TF: variants seen among roughly 807,000 people sequenced by gnomAD.
TF encodes the protein serotransferrin.
A neutral mutation model predicts 82.4 loss-of-function variants in TF; 55 were observed. The ratio of observed to expected loss-of-function variants is 0.67; its 90% CI spans 0.54 to 0.84. The LOEUF (loss-of-function observed/expected upper bound fraction) is 0.84. Ranked by LOEUF, TF falls within the 40% of genes least tolerant of loss-of-function variation. The pLI is 0.00. For synonymous variants in TF, 332 were observed against 332.6 expected, an observed-to-expected ratio of 1.00 and a Z score of 0.02; for missense variants, 737 against 868.4, an observed-to-expected ratio of 0.85 and a Z score of 1.90.
In TF at chr3:133,791,036, A is replaced by T. The variant is rs1335286191; in HGVS notation, c.*12416A>T. On this transcript the variant is annotated 3_prime_UTR_variant, in exon 17 of 17. Coordinates refer to ENST00000402696, the MANE Select transcript of TF (RefSeq NM_001063.4). ...CCTCTGGCTTTGCTTGTGTATGCACATATAAAATCATATATATTTTTTTTA... is the reference window on the plus strand; with the variant it reads ...CCTCTGGCTTTGCTTGTGTATGCACTTATAAAATCATATATATTTTTTTTA... 1 of 152,172 alleles carries T rather than the reference A, an allele frequency of 6.6e-6. No homozygotes were observed. The highest frequency in any genetic ancestry group is 2.4e-5 in the African/African-American group (1 of 41,418). 9.4% of individuals were successfully genotyped at this position (152,172 alleles called of 1,614,324 possible). A position where few individuals can be genotyped will look rare whatever the true frequency, so the allele number is the denominator to read the frequency against.
the TF span, among the ~76,000 whole-genome samples, chr3:133,684,393 C>A: frequency 6.6e-6 from 1 of 151,858 alleles, no homozygotes; most frequent in Non-Finnish European, 1.5e-5. Context: ...AAAAACCCTT[C>A]AAAAAATCAA....
At chr3:133,677,933 C>T in the TF span, among the ~76,000 whole-genome samples, 1 of 152,106 alleles carries the variant, frequency 6.6e-6, no homozygotes, top group Non-Finnish European at 1.5e-5. Flanking sequence ...CATAGGTATA[C>T]ACATGCCATG....
rs537142089 is a variant in TF at position 133,788,179 on chromosome 3, A to T, written c.*9559A>T. 3.3e-5 allele frequency: 5 copies of T among 152,304 alleles called. No individual in the cohort carries two copies. The highest frequency in any genetic ancestry group is 7.3e-5 in the Non-Finnish European group (5 of 68,090). 9.4% of individuals were successfully genotyped at this position (152,304 alleles called of 1,614,324 possible). A position where few individuals can be genotyped will look rare whatever the true frequency, so the allele number is the denominator to read the frequency against. The stretch of plus-strand genomic sequence containing the variant: ...TAAATGAAATGGAAACACATCAGCT[A>T]TGACAGGACATATACTCTCCAACAG... On this transcript the variant is annotated 3_prime_UTR_variant, in exon 17 of 17. Coordinates refer to ENST00000402696, the MANE Select transcript of TF (RefSeq NM_001063.4).
At chr3:133,768,205 G>A in intron 13 of TF, 41 bp downstream of exon 13, 1 of 1,612,450 alleles carries the variant, frequency 6.2e-7, no homozygotes, top group African/African-American at 1.3e-5. Flanking sequence ...TAATATACAA[G>A]CCCTGGCCAG....
chr3:133,682,910 T>C, the TF span, among the ~76,000 whole-genome samples: 2 of 151,872 alleles, frequency 1.3e-5, no homozygotes, highest in Non-Finnish European at 2.9e-5. Context: ...AATTGTCAGA[T>C]TCAAGTTGAA....
chr3:133,728,533 G>C, the TF span, among the ~76,000 whole-genome samples: 1 of 152,074 alleles, frequency 6.6e-6, no homozygotes, highest in African/African-American at 2.4e-5. Flanking sequence ...CTCTGTATTG[G>C]TTATTCTAGT....
At chr3:133,730,233 CAT>C in the TF span, among the ~76,000 whole-genome samples, 3 of 152,186 alleles carry the variant, frequency 2.0e-5, no homozygotes, top group Non-Finnish European at 4.4e-5. Context: ...GCCCCTGGCT[CAT>C]GAGCTTCCTA....
chr3:133,693,853 C>T, the TF span, among the ~76,000 whole-genome samples: 16 of 152,218 alleles, frequency 1.1e-4, no homozygotes, highest in Non-Finnish European at 1.8e-4. Context: ...TTCCAGCCTC[C>T]GTGTGGGTGA....
the TF span, among the ~76,000 whole-genome samples, chr3:133,733,391 T>C: frequency 6.6e-6 from 1 of 152,192 alleles, no homozygotes; most frequent in Non-Finnish European, 1.5e-5. Flanking sequence ...TTGCCAAGCC[T>C]GCCGAGGTGT....
At chr3:133,750,806 A>C (rs1407496904) in intron 2 of TF, among the ~76,000 whole-genome samples, 2 of 152,000 alleles carry the variant, frequency 1.3e-5, no homozygotes, top group Non-Finnish European at 2.9e-5. Context: ...TTATACTTTA[A>C]GTTCTAGGGT....
chr3:133,666,204 G>T, the TF span, among the ~76,000 whole-genome samples: 1 of 151,970 alleles, frequency 6.6e-6, no homozygotes. Context: ...ATGGAGTCTC[G>T]CTCTGTCGCC....
chr3:133,713,149 G>T, the TF span, among the ~76,000 whole-genome samples: 15 of 152,140 alleles, frequency 9.9e-5, no homozygotes, highest in African/African-American at 3.6e-4. Flanking sequence ...TCACAGGGGG[G>T]ACACCAGACA....
Position 133,775,566 on chromosome 3 carries a change from C to G in TF, c.1821C>G (p.Val607=), listed in dbSNP as rs769561613. 6.2e-7 allele frequency: 1 copy of G among 1,614,186 alleles called. No homozygotes were observed. Among genetic ancestry groups the G allele is most frequent in the Non-Finnish European group, 8.5e-7 (1 of 1,180,034 alleles). Residue 607 remains valine, a synonymous_variant, in exon 15 of 17, where the codon GTC becomes GTG. Coordinates refer to ENST00000402696, the MANE Select transcript of TF (RefSeq NM_001063.4). ...HLARAPNHAV[V]TRKDKEACVH... ...CCAGAGCCCCGAATCACGCTGTGGT[C>G]ACACGGAAAGATAAGGAAGCTTGCG...
At chr3:133,744,529 G>A (rs2107903567), upstream of TF, among the ~76,000 whole-genome samples, 1 of 152,294 alleles carries the variant, frequency 6.6e-6, no homozygotes, top group East Asian at 1.9e-4. Context: ...CCAGACCACT[G>A]CCTAGAGCCT....
Position 133,779,503 on chromosome 3 carries a change from A to C in TF, c.*883A>C, listed in dbSNP as rs1439485765. 2.6e-5 allele frequency: 4 copies of C among 152,268 alleles called. No individual in the cohort carries two copies. The highest frequency in any genetic ancestry group is 9.7e-5 in the African/African-American group (4 of 41,446). 9.4% of individuals were successfully genotyped at this position (152,268 alleles called of 1,614,324 possible). ...CCTCCTCCTTGGAACTCTTTTCCTC[A>C]GTTTCTCTGACATGGCAGGTCTCTG... On this transcript the variant is annotated 3_prime_UTR_variant, in exon 17 of 17. Transcript: ENST00000402696.
chr3:133,748,152 C>A, intron 1 of TF: 1 of 535,426 alleles, frequency 1.9e-6, no homozygotes, highest in Non-Finnish European at 3.4e-6. Flanking sequence ...ATTGTCATCT[C>A]CAGCTGGGAG....
intron 15 of TF, among the ~76,000 whole-genome samples, chr3:133,775,909 A>G (rs1227101403): frequency 1.3e-5 from 2 of 152,192 alleles, no homozygotes; most frequent in Admixed American, 6.5e-5. Flanking sequence ...CTCAGTTAAC[A>G]TGAGTATTAA....
chr3:133,763,757 A>G (rs1167617679), intron 9 of TF, among the ~76,000 whole-genome samples: 1 of 152,260 alleles, frequency 6.6e-6, no homozygotes, highest in African/African-American at 2.4e-5. Context: ...CACTCAGCCA[A>G]GGAGGCTGAC....
At chr3:133,713,062 A>G in the TF span, among the ~76,000 whole-genome samples, 1 of 152,008 alleles carries the variant, frequency 6.6e-6, no homozygotes, top group Non-Finnish European at 1.5e-5. Context: ...CAGAGTCACA[A>G]CTCTAGTTCT....
Sources: gnomAD v4.1 joint callset for allele counts (sites outside exome capture counted in the v4.1 genomes callset) on GRCh38, gnomAD v4.1.1 for gene constraint, MANE v1.5 for transcripts, NCBI Gene and HGNC (gene_info 2026-07-23, HGNC 2026-07-21) for gene names.